The following HIVEP2 variants were observed in gnomAD, a reference collection of about 807,000 sequenced individuals.
HIVEP2 encodes the protein transcription factor HIVEP2.
HIVEP2 carries 14 observed loss-of-function variants against 180.7 expected under a neutral mutation model. The ratio of observed to expected loss-of-function variants is 0.08; its 90% CI spans 0.05 to 0.12. The LOEUF is 0.12. Ranked by LOEUF, HIVEP2 falls within the 10% of genes least tolerant of loss-of-function variation. The pLI, the probability that HIVEP2 is intolerant of heterozygous loss-of-function variation, is 1.00. For synonymous variants in HIVEP2, 1,184 were observed against 1,136.4 expected (o/e 1.04, Z -0.84); for missense variants, 2,579 against 3,008.5 (o/e 0.86, Z 3.34).
At chr6:142,828,173 C>G (rs1023607874) in intron 2 of HIVEP2, among the ~76,000 whole-genome samples, 7 of 152,188 alleles carry the variant, frequency 4.6e-5, no homozygotes, top group Admixed American at 1.3e-4. Context: ...CCTAGGCACT[C>G]AATAAGTAAG....
chr6:142,929,389 T>C (rs1777889926), intron 1 of HIVEP2, among the ~76,000 whole-genome samples: 2 of 152,100 alleles, frequency 1.3e-5, no homozygotes, highest in South Asian at 4.1e-4. Flanking sequence ...AGACTGAGGA[T>C]ATAAAGATCA....
intron 1 of HIVEP2, among the ~76,000 whole-genome samples, chr6:142,890,411 C>G (rs1389240240): frequency 6.6e-6 from 1 of 152,204 alleles, no homozygotes; most frequent in African/African-American, 2.4e-5. Context: ...TTCTAACACT[C>G]TAAATTCATT....
At chr6:142,922,972 C>T (rs1777718857) in intron 1 of HIVEP2, among the ~76,000 whole-genome samples, 1 of 152,176 alleles carries the variant, frequency 6.6e-6, no homozygotes, top group African/African-American at 2.4e-5. Context: ...CAACATCTAA[C>T]AAACTATTAT....
chr6:142,792,922 G>C (rs1441973624), intron 2 of HIVEP2, among the ~76,000 whole-genome samples: 1 of 152,060 alleles, frequency 6.6e-6, no homozygotes, highest in Non-Finnish European at 1.5e-5. Context: ...AAACTGAGGA[G>C]TCCCTTCTTA....
At chr6:142,795,770 G>A (rs1776263647) in intron 2 of HIVEP2, among the ~76,000 whole-genome samples, 2 of 152,146 alleles carry the variant, frequency 1.3e-5, no homozygotes, top group Admixed American at 1.3e-4. Context: ...TGAGAAAACG[G>A]ATGCTCAGAA....
intron 1 of HIVEP2, among the ~76,000 whole-genome samples, chr6:142,944,519 G>T (rs945328465): frequency 6.6e-6 from 1 of 152,136 alleles, no homozygotes; most frequent in Admixed American, 6.5e-5. Flanking sequence ...AAGGCGGGGG[G>T]TGGGGGTGAA....
intron 5 of HIVEP2, among the ~76,000 whole-genome samples, chr6:142,769,334 G>A (rs1775460642): frequency 6.6e-6 from 1 of 152,186 alleles, no homozygotes; most frequent in Non-Finnish European, 1.5e-5. Flanking sequence ...ATAAATGTAG[G>A]CTTTTTCTTC....
intron 2 of HIVEP2, among the ~76,000 whole-genome samples, chr6:142,790,721 G>T (rs901162120): frequency 6.6e-6 from 1 of 152,130 alleles, no homozygotes; most frequent in Admixed American, 6.5e-5. Context: ...AGAGAACAGA[G>T]AAATCAAATC....
Position 142,771,219 on chromosome 6 carries a change from G to A in HIVEP2, c.3520C>T (p.Pro1174Ser), listed in dbSNP as rs763821648. Residue 1174 changes from proline (P) to serine (S), a missense_variant, in exon 5 of 10, where the codon CCA becomes TCA. Physicochemically the swap from Pro to Ser is moderately conservative, Grantham distance 74. Transcript: ENST00000367603. This position sits in a 1 kb window ranked among gnomAD's most constrained non-coding sequence, Gnocchi z 5.4. The stretch of plus-strand genomic sequence containing the variant: ...TGCTTGCTTGTCATATAGGATGTTG[G>A]TTGGATCAAGGGATTTCTCAAAGAT... The part of the protein sequence containing the change: ...QESLRNPLIQ[P>S]TSYMTSKHLP... The A allele has an allele frequency of 1.2e-6, 2 of 1,614,198 alleles. No individual in the cohort carries two copies. The highest frequency in any genetic ancestry group is 2.2e-5 in the South Asian group (2 of 91,084).
chr6:142,944,620 C>T (rs1034573972), intron 1 of HIVEP2, among the ~76,000 whole-genome samples: 18 of 152,198 alleles, frequency 1.2e-4, no homozygotes, highest in Non-Finnish European at 2.4e-4. Flanking sequence ...CTCGTTAACC[C>T]CCTTCCTGTG....
chr6:142,841,954 T>C (rs1775377480), intron 1 of HIVEP2, among the ~76,000 whole-genome samples: 1 of 152,192 alleles, frequency 6.6e-6, no homozygotes, highest in Non-Finnish European at 1.5e-5. Context: ...AAAATGCTGA[T>C]TAAATAGAAG....
Position 142,769,976 on chromosome 6 carries a change from G to A in HIVEP2, c.4763C>T (p.Pro1588Leu). The A allele has an allele frequency of 1.2e-6, 2 of 1,614,072 alleles. No homozygotes were observed. The highest frequency in any genetic ancestry group is 1.1e-5 in the South Asian group (1 of 91,086). The change falls in exon 5 of 10, where the codon CCA (proline) becomes CTA (leucine). Residue 1588 changes from proline (P) to leucine (L), a missense_variant. Around this residue, in one of 11 missense-constraint regions of HIVEP2, gnomAD observed 349 missense variants for 367.2 expected, o/e 0.95. Coordinates refer to ENST00000367603, the MANE Select transcript of HIVEP2 (RefSeq NM_006734.4). ...MSMSPQSSSL[P>L]AGDGQLEEEG... ...CTCTTCCAGCTGACCATCTCCTGCT[G>A]GTAATGAAGAACTCTGTGGGCTCAT... is the stretch of plus-strand genomic sequence containing the variant.
At chr6:142,879,120 G>A (rs1214791163) in intron 1 of HIVEP2, among the ~76,000 whole-genome samples, 2 of 152,168 alleles carry the variant, frequency 1.3e-5, no homozygotes, top group Non-Finnish European at 2.9e-5. Context: ...CGGCAAAAAT[G>A]GCGATTTCTC....
intron 1 of HIVEP2, among the ~76,000 whole-genome samples, chr6:142,869,579 C>T (rs1367569002): frequency 3.3e-5 from 5 of 151,946 alleles, no homozygotes; most frequent in Non-Finnish European, 7.4e-5. Flanking sequence ...GATCACTTTC[C>T]CACGTCTTAA....
chr6:142,900,511 C>G (rs1203870618), intron 1 of HIVEP2, among the ~76,000 whole-genome samples: 1 of 152,180 alleles, frequency 6.6e-6, no homozygotes, highest in Non-Finnish European at 1.5e-5. Context: ...AGCGCCTACT[C>G]TACATGAAGG....
chr6:142,822,229 G>C (rs1777061627), intron 2 of HIVEP2, among the ~76,000 whole-genome samples: 1 of 152,202 alleles, frequency 6.6e-6, no homozygotes, highest in Admixed American at 6.5e-5. Context: ...TTGGCAGTCT[G>C]ATGAAGCCTG....
At chr6:142,766,788 A>T (rs745943517) in intron 6 of HIVEP2, among the ~76,000 whole-genome samples, 34 of 152,244 alleles carry the variant, frequency 2.2e-4, no homozygotes, top group Non-Finnish European at 4.1e-4. Flanking sequence ...AAAAACATTC[A>T]AAGCTGTGTT....
intron 2 of HIVEP2, among the ~76,000 whole-genome samples, chr6:142,793,644 CTTTCTTTCTTTCTTT>C (rs1271092203): frequency 2.9e-5 from 1 of 34,278 alleles, no homozygotes; most frequent in African/African-American, 1.0e-4. Flanking sequence ...TTCTTTCTTT[CTTTCTTTCTTTCTTT>C]TTTCTTTCTT....
At chr6:142,796,549 C>T (rs1198508097) in intron 2 of HIVEP2, among the ~76,000 whole-genome samples, 1 of 152,126 alleles carries the variant, frequency 6.6e-6, no homozygotes, top group Non-Finnish European at 1.5e-5. Context: ...ATTAAGTTTT[C>T]ATCATCTGTT....
Sources: allele counts gnomAD v4.1 joint callset (sites outside exome capture counted in the v4.1 genomes callset), GRCh38; gene constraint gnomAD v4.1.1; regional missense constraint gnomAD v4.1.1; non-coding constraint Gnocchi (gnomAD v3.1); transcripts MANE v1.5; gene names NCBI Gene and HGNC (gene_info 2026-07-23, HGNC 2026-07-21).